STPG2: variants seen among roughly 807,000 people sequenced by gnomAD.
STPG2 encodes sperm tail PG-rich repeat containing 2.
Under a neutral mutation model 54.2 loss-of-function variants are expected in STPG2, and 56 were observed. The observed-to-expected ratio is 1.03, with a 90% CI of 0.83 to 1.29. The LOEUF (loss-of-function observed/expected upper bound fraction) is 1.29. Among genes scored for constraint, STPG2 ranks in the 50% most tolerant of loss-of-function variants. The pLI is 0.00. For missense variants in STPG2, 596 were observed against 544.9 expected (o/e 1.09, Z -0.93); for synonymous variants, 200 against 181.8 (o/e 1.10, Z -0.81).
At chr4:97,948,218 T>C (rs1733324783) in intron 7 of STPG2, among the ~76,000 whole-genome samples, 1 of 152,106 alleles carries the variant, frequency 6.6e-6, no homozygotes, top group South Asian at 2.1e-4. Flanking sequence ...TTTGTGTTCA[T>C]GGCTATCTCA....
intron 10 of STPG2, among the ~76,000 whole-genome samples, chr4:97,669,322 T>C (rs939484943): frequency 5.9e-5 from 9 of 152,138 alleles, no homozygotes; most frequent in African/African-American, 1.9e-4. Flanking sequence ...AAGTTAGGCA[T>C]ATGTATGAAG....
chr4:97,870,810 T>A (rs1022602943), intron 8 of STPG2, among the ~76,000 whole-genome samples: 2 of 151,312 alleles, frequency 1.3e-5, no homozygotes, highest in South Asian at 4.1e-4. Flanking sequence ...ACCAATAACG[T>A]AAATCTTAAG....
intron 5 of STPG2, among the ~76,000 whole-genome samples, chr4:97,984,533 G>C (rs935304978): frequency 1.3e-5 from 2 of 152,084 alleles, no homozygotes; most frequent in Admixed American, 6.6e-5. Flanking sequence ...TGGTTACCTG[G>C]ATTATTACTT....
At chr4:97,786,679 A>C (rs188961225) in intron 9 of STPG2, among the ~76,000 whole-genome samples, 1 of 152,186 alleles carries the variant, frequency 6.6e-6, no homozygotes, top group Admixed American at 6.6e-5. Context: ...AGGGTAGGTG[A>C]ATCATCTCTT....
At chr4:97,803,696 A>G (rs1349125380) in intron 9 of STPG2, among the ~76,000 whole-genome samples, 1 of 152,140 alleles carries the variant, frequency 6.6e-6, no homozygotes, top group African/African-American at 2.4e-5. Flanking sequence ...GCGTGCCACC[A>G]TGCCTGGCTA....
At chr4:97,599,823 CA>C (rs34252589) in intron 10 of STPG2, among the ~76,000 whole-genome samples, 57,748 of 112,404 alleles carry the variant, frequency 0.51, 13,127 homozygotes, top group South Asian at 0.64. Flanking sequence ...GATTCTGTCT[CA>C]AAAAAAAAAA....
At chr4:97,509,563 T>C (rs1416865569) in intron 4 of STPG2, among the ~76,000 whole-genome samples, 2 of 152,130 alleles carry the variant, frequency 1.3e-5, no homozygotes, top group Admixed American at 6.6e-5. Context: ...ATTTGTGGTA[T>C]ACAATATACA....
At chr4:97,532,331 G>T (rs981932487) in intron 4 of STPG2, among the ~76,000 whole-genome samples, 6 of 152,054 alleles carry the variant, frequency 3.9e-5, no homozygotes, top group African/African-American at 1.2e-4. Context: ...AAAAGAATTT[G>T]AAATATGTTA....
chr4:98,034,201 C>A (rs994205100), intron 5 of STPG2, among the ~76,000 whole-genome samples: 1 of 152,130 alleles, frequency 6.6e-6, no homozygotes, highest in South Asian at 2.1e-4. Context: ...ATTTAGACAA[C>A]CCCATCGTCT....
intron 10 of STPG2, among the ~76,000 whole-genome samples, chr4:97,612,363 A>G (rs1733752750): frequency 6.6e-6 from 1 of 152,074 alleles, no homozygotes; most frequent in African/African-American, 2.4e-5. Context: ...AGGAATCAGT[A>G]TAACCATTCT....
At chr4:97,923,837 A>G (rs1032764616) in intron 8 of STPG2, among the ~76,000 whole-genome samples, 4 of 152,154 alleles carry the variant, frequency 2.6e-5, no homozygotes, top group Non-Finnish European at 4.4e-5. Context: ...TAGCTCAGGG[A>G]TTGTAAACAC....
chr4:97,716,533 G>A (rs1245877648), intron 9 of STPG2, among the ~76,000 whole-genome samples: 4 of 152,038 alleles, frequency 2.6e-5, no homozygotes, highest in Non-Finnish European at 4.4e-5. Flanking sequence ...AAAAGGATGA[G>A]TTCATGTCCT....
chr4:97,541,852 C>G (rs1458797461), intron 4 of STPG2, among the ~76,000 whole-genome samples: 6 of 152,074 alleles, frequency 3.9e-5, no homozygotes, highest in Admixed American at 3.9e-4. Flanking sequence ...ACAAATCTGA[C>G]AAAAACAAGA....
intron 10 of STPG2, among the ~76,000 whole-genome samples, chr4:97,681,457 T>A (rs1723032366): frequency 6.6e-6 from 1 of 151,840 alleles, no homozygotes; most frequent in Admixed American, 6.6e-5. Flanking sequence ...AGAAAAAAAT[T>A]TTTTAAATTA....
At chr4:97,630,228 A>G (rs1253176036) in intron 10 of STPG2, among the ~76,000 whole-genome samples, 2 of 151,932 alleles carry the variant, frequency 1.3e-5, no homozygotes, top group Non-Finnish European at 2.9e-5. Flanking sequence ...ATGAAAGTCC[A>G]AGGGCTCTAT....
intron 10 of STPG2, among the ~76,000 whole-genome samples, chr4:97,676,076 G>A (rs1722834557): frequency 6.9e-6 from 1 of 144,596 alleles, no homozygotes; most frequent in Non-Finnish European, 1.5e-5. Flanking sequence ...ATATACTATA[G>A]TATATAGTAT....
intron 8 of STPG2, among the ~76,000 whole-genome samples, chr4:97,899,385 T>C (rs1343021506): frequency 1.3e-5 from 2 of 152,012 alleles, no homozygotes; most frequent in African/African-American, 4.8e-5. Context: ...ATCATTAAAA[T>C]GGCCATACTG....
At chr4:98,114,344 C>A (rs1739447086) in intron 3 of STPG2, among the ~76,000 whole-genome samples, 1 of 151,972 alleles carries the variant, frequency 6.6e-6, no homozygotes, top group Admixed American at 6.6e-5. Flanking sequence ...ATGACCATAA[C>A]AGACAGTGAA....
chr4:97,609,211 G>A (rs1168956962), intron 10 of STPG2, among the ~76,000 whole-genome samples: 2 of 151,990 alleles, frequency 1.3e-5, no homozygotes, highest in Non-Finnish European at 2.9e-5. Flanking sequence ...GACAGTAAAA[G>A]ACAAAAATCC....
Sources: gnomAD v4.1 joint callset for allele counts (sites outside exome capture counted in the v4.1 genomes callset) on GRCh38, gnomAD v4.1.1 for gene constraint, MANE v1.5 for transcripts, NCBI Gene and HGNC (gene_info 2026-07-23, HGNC 2026-07-21) for gene names.